KCTD1: variants seen among roughly 807,000 people sequenced by gnomAD.
KCTD1 encodes BTB/POZ domain-containing protein KCTD1.
Under a neutral mutation model 66.0 loss-of-function variants are expected in KCTD1, and 24 were observed. The ratio of observed to expected loss-of-function variants is 0.36; its 90% CI spans 0.26 to 0.51. The LOEUF is 0.51. KCTD1 is among the 20% of genes least tolerant of loss of function. The pLI, the probability that KCTD1 is intolerant of heterozygous loss-of-function variation, is 0.95. For missense variants in KCTD1, 943 were observed against 1,205.2 expected, an observed-to-expected ratio of 0.78 and a Z score of 3.22; for synonymous variants, 511 against 517.2, an observed-to-expected ratio of 0.99 and a Z score of 0.16.
chr18:26,608,704 T>C (rs565732447), intron 1 of KCTD1, among the ~76,000 whole-genome samples: 14 of 152,306 alleles, frequency 9.2e-5, no homozygotes, highest in African/African-American at 3.1e-4. Flanking sequence ...CTAAGTCTTA[T>C]TGTGCACAGT....
At position 26,580,708 on chromosome 18, in the gene KCTD1, C is replaced by T. The variant is rs73944632; in HGVS notation, c.-16+48439G>A. ...AGCGTACCATGGCCTGCAGCTAATCCGGCCCCCTATCTATTTTTGTAGGGC... is the reference window on the plus strand; with the variant it reads ...AGCGTACCATGGCCTGCAGCTAATCTGGCCCCCTATCTATTTTTGTAGGGC... On this transcript the variant is annotated intron_variant, in intron 1 of 4. Coordinates refer to the KCTD1 transcript ENST00000317932. Among the ~76,000 whole-genome samples the T allele has an allele frequency of 5.9e-3, 898 of 152,240 alleles. 9 individuals are homozygous for T. Among genetic ancestry groups the T allele is most frequent in the African/African-American group, 0.02 (820 of 41,536 alleles).
chr18:26,643,739 T>TGG (rs1555649301), upstream of KCTD1, among the ~76,000 whole-genome samples: 4 of 152,060 alleles, frequency 2.6e-5, no homozygotes, highest in South Asian at 4.1e-4. Context: ...AAGGCGGGCA[T>TGG]ATCACGAGGT....
intron 2 of KCTD1, among the ~76,000 whole-genome samples, chr18:26,485,735 C>T (rs947501223): frequency 1.3e-5 from 2 of 152,130 alleles, no homozygotes; most frequent in Non-Finnish European, 2.9e-5. Context: ...CCACAGCCCA[C>T]GCCCACCCTC....
At chr18:26,509,088 T>G (rs79199542) in intron 1 of KCTD1, among the ~76,000 whole-genome samples, 1 of 152,114 alleles carries the variant, frequency 6.6e-6, no homozygotes, top group Non-Finnish European at 1.5e-5. Context: ...ATGGTCTCTA[T>G]TGACTTTAAC....
chr18:26,477,661 A>G (rs1981419525), intron 2 of KCTD1, among the ~76,000 whole-genome samples: 1 of 152,224 alleles, frequency 6.6e-6, no homozygotes, highest in African/African-American at 2.4e-5. Flanking sequence ...TGATAAATCA[A>G]TAATTTCACC....
upstream of KCTD1, among the ~76,000 whole-genome samples, chr18:26,642,094 G>T (rs766505444): frequency 6.6e-6 from 1 of 152,084 alleles, no homozygotes; most frequent in Non-Finnish European, 1.5e-5. Context: ...CTATGGAATT[G>T]GGCTTGATCT....
intron 1 of KCTD1, among the ~76,000 whole-genome samples, chr18:26,524,641 C>G (rs1798995877): frequency 6.6e-6 from 1 of 152,108 alleles, no homozygotes; most frequent in Non-Finnish European, 1.5e-5. Flanking sequence ...CTCTACCTTT[C>G]AAAACCCATA....
In KCTD1 at chr18:26,621,904, CAAG is replaced by C. The variant is rs1987394824; in HGVS notation, c.-16+7240_-16+7242del. Among the ~76,000 whole-genome samples, 4 of 152,256 alleles carry C rather than the reference CAAG, an allele frequency of 2.6e-5. No individual in the cohort carries two copies. The South Asian group carries it at 8.3e-4, about 32-fold the overall frequency. On this transcript the variant is annotated intron_variant, in intron 1 of 4. Coordinates refer to the KCTD1 transcript ENST00000317932. ...AGTTAAATTGGTTCCAGAAAAGAGCCAAGAAGTTCATGGATTTCTGACAATTCA... is the reference window on the plus strand; with the variant it reads ...AGTTAAATTGGTTCCAGAAAAGAGCCAAGTTCATGGATTTCTGACAATTCA...
chr18:26,533,917 G>GT (rs1246265744), intron 1 of KCTD1, among the ~76,000 whole-genome samples: 1 of 151,302 alleles, frequency 6.6e-6, no homozygotes, highest in Admixed American at 6.6e-5. Context: ...AAGTATAAGA[G>GT]GTTCTAGTTC....
chr18:26,643,902 C>T (rs1428218827), upstream of KCTD1, among the ~76,000 whole-genome samples: 1 of 151,960 alleles, frequency 6.6e-6, no homozygotes, highest in Admixed American at 6.6e-5. Flanking sequence ...GCGGAGCTTG[C>T]AGTGAGCTGA....
intron 1 of KCTD1, among the ~76,000 whole-genome samples, chr18:26,516,144 G>A (rs1983644671): frequency 6.6e-6 from 1 of 152,112 alleles, no homozygotes. Context: ...TGGTGTGGGA[G>A]GGAGTGAGAA....
intron 3 of KCTD1, among the ~76,000 whole-genome samples, chr18:26,475,520 A>C (rs564158033): frequency 1.3e-5 from 2 of 152,214 alleles, no homozygotes; most frequent in Non-Finnish European, 2.9e-5. Flanking sequence ...ATATTTTTCT[A>C]TTATAGCTTA....
rs559993159 is a variant in KCTD1 at position 26,652,913 on chromosome 18, G to C, written c.9+4447C>G. On this transcript the variant is annotated intron_variant, in intron 1 of 4. Coordinates refer to the KCTD1 transcript ENST00000580191. Reference sequence around the variant, plus strand: ...ATTCAATTAACATGCCCGAAACTTAGGTGTCCACTTGACACTTCTCTCTTC... The same window carrying C: ...ATTCAATTAACATGCCCGAAACTTACGTGTCCACTTGACACTTCTCTCTTC... Among the ~76,000 whole-genome samples the C allele has an allele frequency of 3.3e-5, 5 of 152,226 alleles. No homozygotes were observed. In the East Asian group the frequency reaches 9.6e-4, roughly 29 times the overall value.
intron 1 of KCTD1, among the ~76,000 whole-genome samples, chr18:26,539,795 A>G (rs1221215231): frequency 6.6e-6 from 1 of 152,242 alleles, no homozygotes. Context: ...AACTTGAAAT[A>G]TCAGAATTAA....
intron 3 of KCTD1, among the ~76,000 whole-genome samples, chr18:26,465,891 C>A (rs949268335): frequency 8.5e-5 from 13 of 152,168 alleles, no homozygotes; most frequent in Admixed American, 7.9e-4. Flanking sequence ...GAAAAGAGGT[C>A]ATGGGCAGTA....
intron 1 of KCTD1, among the ~76,000 whole-genome samples, chr18:26,529,968 C>G (rs546613364): frequency 6.6e-6 from 1 of 152,282 alleles, no homozygotes; most frequent in Admixed American, 6.5e-5. Flanking sequence ...CAACAAAACC[C>G]TAAGGTGGAC....
intron 1 of KCTD1, among the ~76,000 whole-genome samples, chr18:26,602,835 C>G (rs1246067563): frequency 6.6e-6 from 1 of 152,152 alleles, no homozygotes; most frequent in Non-Finnish European, 1.5e-5. Flanking sequence ...AACAAAGGGC[C>G]TAAATATGAG....
chr18:26,533,722 C>G (rs1984556340), intron 1 of KCTD1, among the ~76,000 whole-genome samples: 1 of 151,256 alleles, frequency 6.6e-6, no homozygotes. Flanking sequence ...TGGTTTCGAA[C>G]TCTTTGAGAT....
At chr18:26,578,057 CT>C (rs11381611) in intron 1 of KCTD1, among the ~76,000 whole-genome samples, 19,872 of 116,738 alleles carry the variant, frequency 0.17, 1,043 homozygotes, top group East Asian at 0.23. Flanking sequence ...TCTTTTCTTT[CT>C]TTTTTTTTTT....
Sources: allele counts gnomAD v4.1 joint callset (sites outside exome capture counted in the v4.1 genomes callset), GRCh38; gene constraint gnomAD v4.1.1; transcripts MANE v1.5; gene names NCBI Gene and HGNC (gene_info 2026-07-23, HGNC 2026-07-21).